Variants in NEK5 observed in about 807,000 individuals in gnomAD.
The protein encoded by NEK5 is NIMA related kinase 5.
Under a neutral mutation model 109.2 loss-of-function variants are expected in NEK5, and 88 were observed. That is an observed-to-expected ratio of 0.81 (90% CI 0.68 to 0.96). The LOEUF (loss-of-function observed/expected upper bound fraction) is 0.96. NEK5 is among the 40% of genes least tolerant of loss of function. The pLI is 0.00. For missense variants in NEK5, 834 were observed against 920.7 expected, an observed-to-expected ratio of 0.91 and a Z score of 1.22; for synonymous variants, 283 against 299.9, an observed-to-expected ratio of 0.94 and a Z score of 0.58.
intron 22 of NEK5, among the ~76,000 whole-genome samples, chr13:52,051,959 C>G (rs1266396158): frequency 6.6e-6 from 1 of 152,180 alleles, no homozygotes; most frequent in Non-Finnish European, 1.5e-5. Flanking sequence ...CTGATTGCTT[C>G]TGCCCTATTG....
intron 22 of NEK5, among the ~76,000 whole-genome samples, chr13:52,060,389 T>C (rs903148910): frequency 5.3e-5 from 8 of 152,176 alleles, no homozygotes; most frequent in Non-Finnish European, 8.8e-5. Flanking sequence ...AGTCCCACTC[T>C]TGTCCCCCAG....
chr13:52,045,536 C>A lies in NEK5; in HGVS notation c.2228+4568G>T, dbSNP rs769692748. Among the ~76,000 whole-genome samples the A allele has an allele frequency of 2.7e-5, 4 of 148,094 alleles. No homozygotes were observed. In the South Asian group the frequency reaches 8.5e-4, roughly 31 times the overall value. On this transcript the variant is annotated intron_variant, in intron 23 of 23. Coordinates refer to ENST00000684899, the MANE Select transcript of NEK5 (RefSeq NM_001365552.1). ...ATCCCAGCACTTTGGGAGGCCGAGG[C>A]GAGCGGATCACGAGGTCAGGAGATC...
In NEK5 at chr13:52,086,805, G is replaced by T. The variant is rs201568324; in HGVS notation, c.1393-442C>A. On this transcript the variant is annotated intron_variant, in intron 15 of 23. Coordinates refer to ENST00000684899, the MANE Select transcript of NEK5 (RefSeq NM_001365552.1). ...TTCAATATGACTGATGTCCTTGCAA[G>T]AAGATGGCCATGTGAAGACAGGGAC... is the stretch of plus-strand genomic sequence containing the variant. Among the ~76,000 whole-genome samples, 21 of 123,052 alleles carry T rather than the reference G, an allele frequency of 1.7e-4. No individual in the cohort carries two copies. The South Asian group carries it at 4.9e-3, about 29-fold the overall frequency. 80.7% of individuals were successfully genotyped at this position (123,052 alleles called of 152,430 possible).
intron 16 of NEK5, among the ~76,000 whole-genome samples, chr13:52,084,987 T>C (rs959265784): frequency 2.6e-5 from 4 of 152,118 alleles, no homozygotes; most frequent in Non-Finnish European, 5.9e-5. Context: ...TACGTGACTT[T>C]GGATGAGCTA....
At chr13:52,110,302 T>C (rs912697452) in intron 7 of NEK5, 38 bp downstream of exon 7, 3 of 1,364,844 alleles carry the variant, frequency 2.2e-6, no homozygotes, top group Non-Finnish European at 3.1e-6. Context: ...ATTTGGGCTA[T>C]TTTGACTAGA....
intron 7 of NEK5, among the ~76,000 whole-genome samples, chr13:52,108,879 A>G (rs1490679757): frequency 6.6e-6 from 1 of 152,222 alleles, no homozygotes; most frequent in Non-Finnish European, 1.5e-5. Context: ...TAAAATTCAG[A>G]ATTCCATTTT....
intron 22 of NEK5, among the ~76,000 whole-genome samples, chr13:52,050,720 C>CTTTT (rs772811272): frequency 3.0e-5 from 3 of 99,938 alleles, no homozygotes; most frequent in African/African-American, 3.7e-5. Flanking sequence ...TTGTTTTTTT[C>CTTTT]TTTTTTTTTT....
intron 23 of NEK5, among the ~76,000 whole-genome samples, 175 bp downstream of exon 23, chr13:52,049,929 G>A (rs1291872928): frequency 6.6e-6 from 1 of 152,186 alleles, no homozygotes; most frequent in Non-Finnish European, 1.5e-5. Context: ...TATCACTGAT[G>A]CAAATGTAGA....
At chr13:52,099,008 G>A (rs1955474995) in intron 12 of NEK5, among the ~76,000 whole-genome samples, 1 of 152,138 alleles carries the variant, frequency 6.6e-6, no homozygotes, top group Admixed American at 6.5e-5. Context: ...TAGCACAATA[G>A]ACTGCCTATG....
intron 19 of NEK5, among the ~76,000 whole-genome samples, chr13:52,073,062 A>G (rs2137802432): frequency 6.6e-6 from 1 of 152,318 alleles, no homozygotes. Flanking sequence ...ACTAATTAAG[A>G]CCTAAAATAA....
chr13:52,122,929 C>T (rs2138135324), intron 3 of NEK5, among the ~76,000 whole-genome samples: 1 of 152,242 alleles, frequency 6.6e-6, no homozygotes, highest in East Asian at 1.9e-4. Context: ...TTATTTTCTC[C>T]TTTGGCTCTT....
Position 52,080,763 on chromosome 13 carries a change from G to A in NEK5, c.1572+2497C>T, listed in dbSNP as rs1201318468. On this transcript the variant is annotated intron_variant, in intron 17 of 23. Transcript: ENST00000684899. ...AGGGACACAAACACTGCGGAAGGCC[G>A]CAGGGTCCTCTGCCTAGGAAAACCA... Among the ~76,000 whole-genome samples the A allele has an allele frequency of 2.6e-4, 40 of 152,040 alleles. No homozygotes were observed. The Middle Eastern group carries it at 0.01, about 39-fold the overall frequency.
chr13:52,044,542 T>C (rs1200578925), intron 23 of NEK5, among the ~76,000 whole-genome samples: 1 of 152,228 alleles, frequency 6.6e-6, no homozygotes, highest in Non-Finnish European at 1.5e-5. Context: ...CACAATGGGA[T>C]ACTACTGAGC....
intron 7 of NEK5, among the ~76,000 whole-genome samples, chr13:52,109,193 A>C (rs1955711038): frequency 6.6e-6 from 1 of 151,960 alleles, no homozygotes; most frequent in South Asian, 2.1e-4. Flanking sequence ...CAACTCATAA[A>C]CCCTCCCTTT....
chr13:52,110,438 T>C (rs187681027), intron 6 of NEK5, 28 bp from the exon 7 acceptor site: 3 of 1,604,804 alleles, frequency 1.9e-6, no homozygotes, highest in Middle Eastern at 1.7e-4. Flanking sequence ...GTCATGTTGT[T>C]TGAGGTACTT....
chr13:52,052,811 C>T (rs116243821), intron 22 of NEK5, among the ~76,000 whole-genome samples: 1 of 152,154 alleles, frequency 6.6e-6, no homozygotes, highest in African/African-American at 2.4e-5. Flanking sequence ...TTGTTCCAGA[C>T]ACCTTTCCTG....
intron 4 of NEK5, among the ~76,000 whole-genome samples, chr13:52,114,779 A>C: frequency 6.6e-6 from 1 of 152,188 alleles, no homozygotes; most frequent in East Asian, 1.9e-4. Flanking sequence ...GGTTATTTTC[A>C]GGAATGTGTT....
At chr13:52,093,270 AT>A (rs765012139) in intron 12 of NEK5, 35 bp from the exon 13 acceptor site, 1 of 1,540,872 alleles carries the variant, frequency 6.5e-7, no homozygotes, top group Non-Finnish European at 9.0e-7. Context: ...TTTAAAAACC[AT>A]AATACAGGCT....
chr13:52,114,143 T>G lies in NEK5; in HGVS notation c.215-1778A>C, dbSNP rs186622248. ...TTAGAAAAGAAGGATTTCTACTCAC[T>G]TGTTTGTCTACACTTCATTCTTTTG... On this transcript the variant is annotated intron_variant, in intron 4 of 23. Coordinates refer to ENST00000684899, the MANE Select transcript of NEK5 (RefSeq NM_001365552.1). Among the ~76,000 whole-genome samples the G allele has an allele frequency of 2.6e-4, 39 of 152,348 alleles. No homozygotes were observed. The East Asian group carries it at 7.1e-3, about 28-fold the overall frequency.
Sources: allele counts gnomAD v4.1 joint callset (sites outside exome capture counted in the v4.1 genomes callset), GRCh38; gene constraint gnomAD v4.1.1; transcripts MANE v1.5; gene names NCBI Gene and HGNC (gene_info 2026-07-23, HGNC 2026-07-21).